MDN1: variants seen among roughly 807,000 people sequenced by gnomAD.
MDN1 encodes midasin AAA ATPase 1, also known as midasin.
In MDN1, 266 loss-of-function variants were observed where a neutral mutation model predicts 669.2. That is an observed-to-expected ratio of 0.40 (90% CI 0.36 to 0.44). MDN1 has a LOEUF of 0.44. MDN1 is among the 20% of genes least tolerant of loss of function. The pLI, the probability that MDN1 is intolerant of heterozygous loss-of-function variation, is 1.00. For synonymous variants in MDN1, 2,385 were observed against 2,457.1 expected (o/e 0.97, Z 0.87); for missense variants, 5,940 against 6,754.0 (o/e 0.88, Z 4.22).
At chr6:89,809,776 AAAAT>A (rs1435433651) in intron 1 of MDN1, among the ~76,000 whole-genome samples, 6 of 137,402 alleles carry the variant, frequency 4.4e-5, no homozygotes, top group Non-Finnish European at 9.3e-5. Flanking sequence ...ACTCCCTCTC[AAAAT>A]AAATAAATAA....
intron 22 of MDN1, among the ~76,000 whole-genome samples, chr6:89,752,298 G>A (rs1816998047): frequency 6.6e-6 from 1 of 152,048 alleles, no homozygotes; most frequent in Admixed American, 6.5e-5. Flanking sequence ...CACACCCTGA[G>A]GCATACACAC....
chr6:89,646,467 C>G, intron 100 of MDN1, 73 bp downstream of exon 100: 1 of 1,307,412 alleles, frequency 7.6e-7, no homozygotes, highest in Non-Finnish European at 1.1e-6. Flanking sequence ...GGACACTGAG[C>G]TGAAGCAAGC....
At chr6:89,763,330 C>T (rs1232299756) in intron 15 of MDN1, among the ~76,000 whole-genome samples, 4 of 109,476 alleles carry the variant, frequency 3.7e-5, no homozygotes, top group Admixed American at 2.8e-4. Context: ...GGGTAGGGCA[C>T]GCAAAAAAAA....
intron 26 of MDN1, among the ~76,000 whole-genome samples, chr6:89,747,824 G>A (rs1006156714): frequency 8.0e-5 from 12 of 150,712 alleles, no homozygotes; most frequent in Non-Finnish European, 1.6e-4. Flanking sequence ...CCGGGAGGGG[G>A]AGCTTGCAGT....
At chr6:89,804,754 G>A (rs967774783) in intron 1 of MDN1, among the ~76,000 whole-genome samples, 6 of 152,094 alleles carry the variant, frequency 3.9e-5, no homozygotes, top group African/African-American at 9.7e-5. Context: ...ATTCTAGGCC[G>A]GGCGCAGTGG....
At chr6:89,752,917 G>A (rs940277694) in intron 22 of MDN1, among the ~76,000 whole-genome samples, 1 of 152,124 alleles carries the variant, frequency 6.6e-6, no homozygotes, top group African/African-American at 2.4e-5. Context: ...GAGGTCAGGA[G>A]TTCGAGACCA....
At chr6:89,720,589 T>A (rs1160349636) in intron 40 of MDN1, among the ~76,000 whole-genome samples, 1 of 152,124 alleles carries the variant, frequency 6.6e-6, no homozygotes, top group Admixed American at 6.5e-5. Context: ...GGAAGAGTGA[T>A]GGAAAACTTC....
intron 1 of MDN1, among the ~76,000 whole-genome samples, chr6:89,813,438 C>G (rs1406864901): frequency 2.0e-5 from 3 of 151,558 alleles, no homozygotes; most frequent in East Asian, 3.9e-4. Context: ...GTAATCCCAG[C>G]TACTTGGGAG....
rs138489568 is a variant in MDN1 at position 89,719,007 on chromosome 6, A to C, written c.6081T>G (p.Arg2027=). 1.9e-6 allele frequency: 3 copies of C among 1,614,216 alleles called. No individual in the cohort carries two copies. The highest frequency in any genetic ancestry group is 2.5e-6 in the Non-Finnish European group (3 of 1,180,040). ...DVQLGYSVLS[R]GSCVPHPSRH... is the part of the protein sequence containing the mutation. ...GGGACGGGTGAGGAACACAGCTCCC[A>C]CGGGAAAGGACTGAGTAGCCCAACT... Residue 2027 remains arginine (R), a synonymous_variant, in exon 42 of 102, where the codon CGT becomes CGG. Coordinates refer to ENST00000369393, the MANE Select transcript of MDN1 (RefSeq NM_014611.3).
Position 89,677,709 on chromosome 6 carries a change from C to T in MDN1, c.12413-13G>A. On this transcript the variant is annotated splice_polypyrimidine_tract_variant and intron_variant, in intron 75 of 101. Coordinates refer to ENST00000369393, the MANE Select transcript of MDN1 (RefSeq NM_014611.3). ...CGATACGACAAACCTAGGAAATAAACAGCATTTCTTTAAGCAAAGATGCTT... is the reference window on the plus strand; with the variant it reads ...CGATACGACAAACCTAGGAAATAAATAGCATTTCTTTAAGCAAAGATGCTT... 1 of 1,613,880 alleles carries T rather than the reference C, an allele frequency of 6.2e-7. No homozygotes were observed. The highest frequency in any genetic ancestry group is 1.1e-5 in the South Asian group (1 of 91,072).
chr6:89,736,980 A>C (rs1328856526), intron 33 of MDN1, among the ~76,000 whole-genome samples: 2 of 152,176 alleles, frequency 1.3e-5, no homozygotes, highest in East Asian at 1.9e-4. Context: ...GCCCCTGCTG[A>C]ATAAGAAACA....
chr6:89,693,254 G>A (rs548269729), intron 62 of MDN1, 106 bp from the exon 63 acceptor site: 19 of 724,794 alleles, frequency 2.6e-5, no homozygotes, highest in East Asian at 5.4e-5. Context: ...CAGCTGCTGC[G>A]AAATAATATT....
intron 83 of MDN1, 69 bp from the exon 84 acceptor site, chr6:89,668,220 G>A: frequency 6.3e-7 from 1 of 1,577,092 alleles, no homozygotes; most frequent in Non-Finnish European, 8.6e-7. Context: ...TTTCATTCTT[G>A]CCACAGGAAA....
intron 42 of MDN1, 45 bp downstream of exon 42, chr6:89,718,722 G>T: frequency 6.2e-7 from 1 of 1,609,988 alleles, no homozygotes. Flanking sequence ...TCAGACCACG[G>T]GGTTTATTAT....
chr6:89,701,538 C>T lies in MDN1; in HGVS notation c.8427+20G>A. On this transcript the variant is annotated intron_variant, in intron 55 of 101. Coordinates refer to ENST00000369393, the MANE Select transcript of MDN1 (RefSeq NM_014611.3). ...GTAGTAGTCACATTTCTTTTATTTA[C>T]TAAATGCTTCCAGGTGTACCTTAAA... 2 of 1,610,428 alleles carry T rather than the reference C, an allele frequency of 1.2e-6. No homozygotes were observed. The highest frequency in any genetic ancestry group is 1.7e-6 in the Non-Finnish European group (2 of 1,179,080).
At chr6:89,786,561 C>G (rs1022293763) in intron 8 of MDN1, among the ~76,000 whole-genome samples, 1 of 152,108 alleles carries the variant, frequency 6.6e-6, no homozygotes, top group South Asian at 2.1e-4. Context: ...AAGCTACGAT[C>G]AAGCCACTGC....
At position 89,648,237 on chromosome 6, in the gene MDN1, A is replaced by G. The variant is rs1433028539; in HGVS notation, c.16280+19T>C. ...AGGTTGTGAAAAGTTTTCATAAAGG[A>G]ATTACAAAGCAACCTTACCTACACA... On this transcript the variant is annotated intron_variant, in intron 98 of 101. Coordinates refer to ENST00000369393, the MANE Select transcript of MDN1 (RefSeq NM_014611.3). 1 of 1,613,192 alleles carries G rather than the reference A, an allele frequency of 6.2e-7. No homozygotes were observed. Among genetic ancestry groups the G allele is most frequent in the South Asian group, 1.1e-5 (1 of 91,066 alleles).
chr6:89,666,352 G>A (rs1019650181), intron 84 of MDN1, among the ~76,000 whole-genome samples: 2 of 152,154 alleles, frequency 1.3e-5, no homozygotes, highest in Admixed American at 1.3e-4. Flanking sequence ...TGCAACCTCT[G>A]CCTCCCAGGT....
At position 89,674,228 on chromosome 6, in the gene MDN1, T is replaced by G; in HGVS notation, c.13123A>C (p.Lys4375Gln). Residue 4375 changes from lysine (K) to glutamine (Q), a missense_variant, in exon 79 of 102, where the codon AAA (lysine) becomes CAA (glutamine). This residue lies in a region of MDN1 where 2,280 missense variants were observed against 2,576.3 expected (regional missense o/e 0.88). Transcript: ENST00000369393. ...GACTGTTGCCAAAGGTGATCCTGTT[T>G]CCGCATCCGGCAACCAGAGGGCAGC... ...SQLPSGCRMR[K>Q]QDHLWQQSTT... is the part of the protein sequence containing the mutation. 1 of 1,614,246 alleles carries G rather than the reference T, an allele frequency of 6.2e-7. No homozygotes were observed. Among genetic ancestry groups the G allele is most frequent in the Non-Finnish European group, 8.5e-7 (1 of 1,180,046 alleles).
Sources: allele counts gnomAD v4.1 joint callset (sites outside exome capture counted in the v4.1 genomes callset), GRCh38; gene constraint gnomAD v4.1.1; regional missense constraint gnomAD v4.1.1; transcripts MANE v1.5; gene names NCBI Gene and HGNC (gene_info 2026-07-23, HGNC 2026-07-21).